Variants in DLEC1 observed in about 807,000 individuals in gnomAD.
The protein encoded by DLEC1 is DLEC1 cilia and flagella associated protein, also known as deleted in lung and esophageal cancer protein 1.
Under a neutral mutation model 198.1 loss-of-function variants are expected in DLEC1, and 146 were observed. That is an observed-to-expected ratio of 0.74 (90% CI 0.64 to 0.85). The LOEUF (loss-of-function observed/expected upper bound fraction) is 0.85. DLEC1 is among the 40% of genes least tolerant of loss of function. DLEC1 has a pLI of 0.00. For missense variants in DLEC1, 2,233 were observed against 2,220.0 expected (o/e 1.01, Z -0.12); for synonymous variants, 897 against 866.8 (o/e 1.03, Z -0.61).
chr3:38,071,272 A>C (rs1246249971), intron 6 of DLEC1, among the ~76,000 whole-genome samples: 1 of 152,242 alleles, frequency 6.6e-6, no homozygotes, highest in Non-Finnish European at 1.5e-5. Flanking sequence ...TTAAAGGACT[A>C]AGAATTGGGA....
At chr3:38,051,994 A>C (rs1445613545) in intron 2 of DLEC1, 1 of 189,602 alleles carries the variant, frequency 5.3e-6, no homozygotes, top group Non-Finnish European at 1.1e-5. Flanking sequence ...TAGACATCAA[A>C]CCTGCTAACC....
rs778982897 is a variant in DLEC1, at chr3:38,086,327, G to A, written c.1522G>A (p.Gly508Ser). 25 of 1,613,080 alleles carry A rather than the reference G, an allele frequency of 1.5e-5. No homozygotes were observed. The African/African-American group carries it at 2.5e-4, about 16-fold the overall frequency. The change falls in exon 9 of 37, where the codon GGC (glycine) becomes AGC (serine). Residue 508 changes from glycine (G) to serine (S), a missense_variant. Gly to Ser is a moderately conservative substitution (Grantham distance 56). Transcript: ENST00000308059. ...CTGCAAAAATGTGGGTTTCAGTGTT[G>A]GCAGGTTCTGCATTATGCCCAAAAC... Reference protein sequence around the residue: ...FICKNVGFSVGRFCIMPKTSW... With the variant: ...FICKNVGFSVSRFCIMPKTSW...
At chr3:38,082,160 G>C (rs1698071997) in intron 6 of DLEC1, among the ~76,000 whole-genome samples, 1 of 147,946 alleles carries the variant, frequency 6.8e-6, no homozygotes, top group African/African-American at 2.5e-5. Context: ...CCCAGATGGG[G>C]CGGCGGGGCA....
At chr3:38,043,599 G>T (rs17037339) in intron 1 of DLEC1, among the ~76,000 whole-genome samples, 2 of 152,080 alleles carry the variant, frequency 1.3e-5, no homozygotes, top group African/African-American at 4.8e-5. Flanking sequence ...TCACCTATTT[G>T]TATCCTTGCC....
At chr3:38,096,884 C>A in intron 15 of DLEC1, 147 bp downstream of exon 15, 1 of 987,394 alleles carries the variant, frequency 1.0e-6, no homozygotes, top group Non-Finnish European at 1.5e-6. Context: ...CCCAACTTGA[C>A]TTGCACAGAT....
Position 38,112,121 on chromosome 3 carries a change from G to A in DLEC1, c.3515-89G>A, listed in dbSNP as rs570200602. 74 of 1,576,896 alleles carry A rather than the reference G, an allele frequency of 4.7e-5. No homozygotes were observed. The African/African-American group carries it at 7.1e-4, about 15-fold the overall frequency. The stretch of plus-strand genomic sequence containing the variant: ...AGGAGAGGCTGGAGGGTGGCTTATC[G>A]GGGACAGTGCTTTGCTCACACACGA... On this transcript the variant is annotated intron_variant, in intron 24 of 36. Transcript: ENST00000308059. The surrounding 1 kb of genome is among the most constrained non-coding windows in gnomAD (Gnocchi z 4.8).
chr3:38,063,813 T>G, intron 5 of DLEC1, 28 bp from the exon 6 acceptor site: 1 of 1,571,734 alleles, frequency 6.4e-7, no homozygotes, highest in Non-Finnish European at 8.8e-7. Flanking sequence ...ACTAACAGCC[T>G]TTCTCCCCCT....
chr3:38,085,557 G>A, intron 8 of DLEC1, 110 bp downstream of exon 8: 2 of 1,371,612 alleles, frequency 1.5e-6, no homozygotes. Flanking sequence ...TGGCTCTCTT[G>A]GGCAGGGGCC....
At chr3:38,072,862 T>TTGGAG (rs1340938654) in intron 6 of DLEC1, among the ~76,000 whole-genome samples, 1 of 151,998 alleles carries the variant, frequency 6.6e-6, no homozygotes, top group Non-Finnish European at 1.5e-5. Context: ...TGATATCCTT[T>TTGGAG]GGAGAATAAA....
chr3:38,116,429 C>G, intron 27 of DLEC1, 24 bp from the exon 28 acceptor site: 1 of 1,613,570 alleles, frequency 6.2e-7, no homozygotes, highest in African/African-American at 1.3e-5. Context: ...TTATTCCTCA[C>G]CCTGCTCCAC....
chr3:38,091,894 C>G (rs1698762190), intron 10 of DLEC1, among the ~76,000 whole-genome samples: 1 of 152,048 alleles, frequency 6.6e-6, no homozygotes, highest in Non-Finnish European at 1.5e-5. Context: ...TCCTTGCCCG[C>G]TGTTGATGGG....
intron 6 of DLEC1, among the ~76,000 whole-genome samples, chr3:38,081,787 C>CA (rs2125660201): frequency 9.9e-6 from 1 of 100,898 alleles, no homozygotes; most frequent in South Asian, 3.6e-4. Context: ...GCTGGCCGGG[C>CA]GGGGGGCTGA....
At chr3:38,073,929 G>A (rs745627311) in intron 6 of DLEC1, among the ~76,000 whole-genome samples, 13 of 152,176 alleles carry the variant, frequency 8.5e-5, no homozygotes, top group Non-Finnish European at 1.5e-4. Context: ...ATCTTCAGTC[G>A]CTAAGCTGAG....
chr3:38,118,030 T>TG lies in DLEC1; in HGVS notation c.4704+11dup, dbSNP rs1210991181. On this transcript the variant is annotated splice_region_variant and intron_variant, in intron 33 of 36. Coordinates refer to ENST00000308059, the MANE Select transcript of DLEC1 (RefSeq NM_007335.4). ...AAGCACAGGAGAACATGCTGGTCAGTGGGGGAGTCTGCAGCCCTTGCCTCG... is the reference window on the plus strand; with the variant it reads ...AAGCACAGGAGAACATGCTGGTCAGTGGGGGGAGTCTGCAGCCCTTGCCTCG... The TG allele has an allele frequency of 9.5e-6, 15 of 1,585,248 alleles. No individual in the cohort carries two copies. The highest frequency in any genetic ancestry group is 1.3e-5 in the Non-Finnish European group (15 of 1,166,326).
chr3:38,098,659 C>T (rs537197136), intron 18 of DLEC1, among the ~76,000 whole-genome samples: 14 of 152,048 alleles, frequency 9.2e-5, no homozygotes, highest in South Asian at 2.1e-4. Context: ...ACTTGCCCTC[C>T]GAGTCAGAAC....
rs1169562349 is a variant in DLEC1 at position 38,108,385 on chromosome 3, C to T, written c.3019-20C>T. On this transcript the variant is annotated intron_variant, in intron 20 of 36. Coordinates refer to ENST00000308059, the MANE Select transcript of DLEC1 (RefSeq NM_007335.4). Reference sequence around the variant, plus strand: ...TGGGAGCCCAGTAAGTGACAACAGGCTCACTCATGTGTCTGCCAGCTCCTC... The same window carrying T: ...TGGGAGCCCAGTAAGTGACAACAGGTTCACTCATGTGTCTGCCAGCTCCTC... The T allele has an allele frequency of 4.4e-6, 7 of 1,601,292 alleles. No homozygotes were observed. Among genetic ancestry groups the T allele is most frequent in the Non-Finnish European group, 6.0e-6 (7 of 1,169,204 alleles).
At chr3:38,041,050 C>T (rs1700629793) in intron 1 of DLEC1, among the ~76,000 whole-genome samples, 1 of 151,976 alleles carries the variant, frequency 6.6e-6, no homozygotes, top group South Asian at 2.1e-4. Context: ...CTCACTCTGT[C>T]ACCCAGGCTG....
At position 38,063,346 on chromosome 3, in the gene DLEC1, C is replaced by G. The variant is rs536679044; in HGVS notation, c.1095-495C>G. On this transcript the variant is annotated intron_variant, in intron 5 of 36. Transcript: ENST00000308059. ...GGTATGGTGGCATGCACCTGTGATC[C>G]CAGCCACTTGGGAGGCGGAAGTGGA... Among the ~76,000 whole-genome samples the G allele has an allele frequency of 4.6e-5, 7 of 152,058 alleles. No homozygotes were observed. In the East Asian group the frequency reaches 1.4e-3, roughly 29 times the overall value.
In DLEC1 at chr3:38,039,440, C is replaced by T. The variant is rs1575367834; in HGVS notation, c.215C>T (p.Ala72Val). 1.9e-6 allele frequency: 3 copies of T among 1,613,606 alleles called. No homozygotes were observed. Among genetic ancestry groups the T allele is most frequent in the African/African-American group, 1.3e-5 (1 of 74,930 alleles). Residue 72 changes from alanine (A) to valine (V), a missense_variant, in exon 1 of 37, where the codon GCG becomes GTG. Coordinates refer to ENST00000308059, the MANE Select transcript of DLEC1 (RefSeq NM_007335.4). ...RPRRLTQLAL[A>V]QRPEPQLLRL... ...CGCCGCCTCACGCAGCTTGCGCTGG[C>T]GCAGCGTCCCGAGCCTCAGCTGCTT...
Sources: gnomAD v4.1 joint callset for allele counts (sites outside exome capture counted in the v4.1 genomes callset) on GRCh38, gnomAD v4.1.1 for gene constraint, Gnocchi (gnomAD v3.1) non-coding constraint, MANE v1.5 for transcripts, NCBI Gene and HGNC (gene_info 2026-07-23, HGNC 2026-07-21) for gene names.